The following TEAD1 variants were observed in gnomAD, a reference collection of about 807,000 sequenced individuals.
TEAD1 encodes the protein TEA domain transcription factor 1.
TEAD1 carries 9 observed loss-of-function variants against 54.9 expected under a neutral mutation model. The ratio of observed to expected loss-of-function variants is 0.16; its 90% CI spans 0.10 to 0.29. The LOEUF (loss-of-function observed/expected upper bound fraction) is 0.29. Among genes scored for constraint, TEAD1 ranks in the 10% least tolerant of loss-of-function variants. The pLI is 1.00. For missense variants in TEAD1, 387 were observed against 535.9 expected (o/e 0.72, Z 2.74); for synonymous variants, 200 against 187.8 (o/e 1.07, Z -0.53).
At chr11:12,809,789 C>A (rs763551591) in intron 3 of TEAD1, among the ~76,000 whole-genome samples, 1 of 151,988 alleles carries the variant, frequency 6.6e-6, no homozygotes, top group Non-Finnish European at 1.5e-5. Flanking sequence ...TGATGAAAAC[C>A]CTTGGCTTTA....
intron 2 of TEAD1, among the ~76,000 whole-genome samples, chr11:12,684,212 T>C (rs1943284837): frequency 6.6e-6 from 1 of 152,160 alleles, no homozygotes; most frequent in Non-Finnish European, 1.5e-5. Context: ...GAACCACACG[T>C]CCCTTATTCA....
chr11:12,899,604 C>T (rs1948385699), intron 9 of TEAD1, among the ~76,000 whole-genome samples: 1 of 152,198 alleles, frequency 6.6e-6, no homozygotes, highest in African/African-American at 2.4e-5. Flanking sequence ...ACTTCCCTAA[C>T]ACAATGGCTT....
At chr11:12,733,669 GT>G (rs1186651057) in intron 2 of TEAD1, among the ~76,000 whole-genome samples, 1 of 152,176 alleles carries the variant, frequency 6.6e-6, no homozygotes, top group African/African-American at 2.4e-5. Context: ...GAGAAGGTGA[GT>G]TTGTATTTCT....
intron 3 of TEAD1, among the ~76,000 whole-genome samples, chr11:12,836,293 G>A (rs942986426): frequency 5.9e-5 from 9 of 151,966 alleles, no homozygotes; most frequent in Non-Finnish European, 7.4e-5. Context: ...GGTGGCGGGC[G>A]CCTGTAGTCC....
At chr11:12,863,243 C>G (rs1430367764) in intron 4 of TEAD1, among the ~76,000 whole-genome samples, 1 of 152,176 alleles carries the variant, frequency 6.6e-6, no homozygotes, top group Non-Finnish European at 1.5e-5. Context: ...CGGGGAGAGG[C>G]TTTTCCCAGG....
chr11:12,865,079 C>T (rs910588173), intron 5 of TEAD1, 179 bp downstream of exon 5: 21 of 734,428 alleles, frequency 2.9e-5, no homozygotes, highest in African/African-American at 1.7e-4. Context: ...ACATTAAACT[C>T]AATGTGTGTG....
intron 3 of TEAD1, among the ~76,000 whole-genome samples, chr11:12,811,034 G>T (rs1719316961): frequency 2.0e-5 from 3 of 152,174 alleles, no homozygotes; most frequent in Admixed American, 1.3e-4. Context: ...CTGGCTCATT[G>T]TATGATTCAG....
At chr11:12,809,213 C>T (rs1946240139) in intron 3 of TEAD1, among the ~76,000 whole-genome samples, 1 of 152,180 alleles carries the variant, frequency 6.6e-6, no homozygotes, top group Non-Finnish European at 1.5e-5. Context: ...AGTGGACACT[C>T]AGTGACGGGG....
At chr11:12,758,035 C>T (rs1945019402) in intron 2 of TEAD1, among the ~76,000 whole-genome samples, 1 of 152,144 alleles carries the variant, frequency 6.6e-6, no homozygotes, top group African/African-American at 2.4e-5. Flanking sequence ...CCACCTTGGC[C>T]TCCCAAAGTG....
intron 3 of TEAD1, chr11:12,828,347 T>A (rs2134013570): frequency 6.6e-6 from 1 of 152,338 alleles, no homozygotes; most frequent in Non-Finnish European, 1.5e-5. Flanking sequence ...TATGTTCATA[T>A]TGTTCTTTAT....
chr11:12,900,531 G>A (rs1948407844), intron 9 of TEAD1, among the ~76,000 whole-genome samples: 1 of 152,178 alleles, frequency 6.6e-6, no homozygotes, highest in Admixed American at 6.5e-5. Flanking sequence ...TGAAGTGAAT[G>A]CCATCACTGT....
chr11:12,689,794 A>G (rs1943415459), intron 2 of TEAD1, among the ~76,000 whole-genome samples: 1 of 152,122 alleles, frequency 6.6e-6, no homozygotes, highest in Non-Finnish European at 1.5e-5. Flanking sequence ...CTATTCTTGT[A>G]AACTCCTGGC....
intron 3 of TEAD1, among the ~76,000 whole-genome samples, chr11:12,840,254 AAAAAAAAAG>A (rs1209852045): frequency 0.067 from 1,576 of 23,652 alleles, 63 homozygotes; most frequent in African/African-American, 0.084. Flanking sequence ...CTCAAAAAAA[AAAAAAAAAG>A]AAAAAAAAAA....
intron 2 of TEAD1, among the ~76,000 whole-genome samples, chr11:12,719,926 C>G (rs1025515672): frequency 7.9e-6 from 1 of 126,674 alleles, no homozygotes; most frequent in African/African-American, 2.8e-5. Flanking sequence ...CTTTGCAAAC[C>G]GGCGTGTGTT....
chr11:12,784,813 C>T (rs1428734482), intron 3 of TEAD1, among the ~76,000 whole-genome samples: 1 of 152,202 alleles, frequency 6.6e-6, no homozygotes, highest in Admixed American at 6.5e-5. Context: ...TTCTTCCCAG[C>T]CTCCCTGGGA....
At chr11:12,690,820 C>T (rs915261413) in intron 2 of TEAD1, among the ~76,000 whole-genome samples, 11 of 152,188 alleles carry the variant, frequency 7.2e-5, no homozygotes, top group South Asian at 2.1e-4. Context: ...TGCAGTGATG[C>T]GATCCCGGCT....
chr11:12,917,819 C>A (rs115783237), intron 10 of TEAD1, among the ~76,000 whole-genome samples: 3,548 of 152,248 alleles, frequency 0.023, 140 homozygotes, highest in African/African-American at 0.081. Context: ...CCTGGACTTA[C>A]CTTCCCCAGC....
chr11:12,718,088 G>A (rs1393882844), intron 2 of TEAD1, among the ~76,000 whole-genome samples: 1 of 152,152 alleles, frequency 6.6e-6, no homozygotes, highest in Non-Finnish European at 1.5e-5. Context: ...ATGCTCTGAG[G>A]GTAAGCACAG....
intron 3 of TEAD1, among the ~76,000 whole-genome samples, chr11:12,842,212 A>G (rs1413482057): frequency 1.3e-5 from 2 of 152,216 alleles, no homozygotes; most frequent in Non-Finnish European, 2.9e-5. Flanking sequence ...AGCTCCCTTT[A>G]AAAGTGTTCT....
Sources: allele counts gnomAD v4.1 joint callset (sites outside exome capture counted in the v4.1 genomes callset), GRCh38; gene constraint gnomAD v4.1.1; transcripts MANE v1.5; gene names NCBI Gene and HGNC (gene_info 2026-07-23, HGNC 2026-07-21).